Variants in NFIB observed in about 807,000 individuals in gnomAD.
NFIB encodes the protein nuclear factor I B, also known as nuclear factor 1 B-type.
NFIB carries 11 observed loss-of-function variants against 61.5 expected under a neutral mutation model. That is an observed-to-expected ratio of 0.18 (90% CI 0.11 to 0.30). The LOEUF (loss-of-function observed/expected upper bound fraction) is 0.30. Among genes scored for constraint, NFIB ranks in the 10% least tolerant of loss-of-function variants. NFIB has a pLI of 1.00. For missense variants in NFIB, 471 were observed against 608.9 expected (o/e 0.77, Z 2.38); for synonymous variants, 260 against 216.5 (o/e 1.20, Z -1.76).
intron 2 of NFIB, among the ~76,000 whole-genome samples, chr9:14,285,313 G>C (rs1394696268): frequency 1.3e-5 from 2 of 152,132 alleles, no homozygotes; most frequent in Admixed American, 6.5e-5. Context: ...AGTAGAGACA[G>C]GGTTTCACCA....
At chr9:14,337,110 C>T (rs965117783) in intron 1 of NFIB, among the ~76,000 whole-genome samples, 2 of 152,166 alleles carry the variant, frequency 1.3e-5, no homozygotes, top group Non-Finnish European at 2.9e-5. Context: ...GAGCAGTTAA[C>T]AGGTTCTATT....
chr9:14,398,783 G>A (rs2061713629), exon 1 of NFIB: 5 of 569,768 alleles, frequency 8.8e-6, no homozygotes, highest in Non-Finnish European at 1.5e-5. Context: ...GAGGGTGACT[G>A]ATGGATCTTT....
At chr9:14,271,312 C>G (rs941064705) in intron 2 of NFIB, among the ~76,000 whole-genome samples, 7 of 151,828 alleles carry the variant, frequency 4.6e-5, no homozygotes, top group Non-Finnish European at 8.8e-5. Context: ...CTTTTCAAGC[C>G]CACGGATAGT....
the NFIB span, among the ~76,000 whole-genome samples, chr9:14,498,145 G>T: frequency 1.3e-5 from 2 of 152,210 alleles, no homozygotes; most frequent in Non-Finnish European, 2.9e-5. Flanking sequence ...AGGAAGAAAT[G>T]ACCTTGCCCT....
the NFIB span, among the ~76,000 whole-genome samples, chr9:14,423,707 T>A: frequency 4.6e-5 from 7 of 152,224 alleles, no homozygotes; most frequent in Admixed American, 3.3e-4. Context: ...GATCATTATA[T>A]TCTCTGCAAA....
chr9:14,260,657 AGCATATCTGAACTGGC>A (rs1176345902), intron 2 of NFIB, among the ~76,000 whole-genome samples: 2 of 152,218 alleles, frequency 1.3e-5, no homozygotes, highest in Non-Finnish European at 2.9e-5. Flanking sequence ...GTGCCAGTCG[AGCATATCTGAACTGGC>A]CACTGTCTAC....
intron 6 of NFIB, among the ~76,000 whole-genome samples, chr9:14,127,950 C>G (rs1173373567): frequency 7.4e-6 from 1 of 135,464 alleles, no homozygotes; most frequent in East Asian, 2.1e-4. Context: ...AAAAAAAAAA[C>G]CAGAAATAAA....
the NFIB span, among the ~76,000 whole-genome samples, chr9:14,497,787 C>T: frequency 6.6e-6 from 1 of 152,172 alleles, no homozygotes; most frequent in East Asian, 1.9e-4. Flanking sequence ...TAGATTTCCT[C>T]TATGAACAAT....
In NFIB at chr9:14,086,780, G is replaced by GTTT. The variant is rs770203746; in HGVS notation, c.*1526_*1528dup. 6 of 167,428 alleles carry GTTT rather than the reference G, an allele frequency of 3.6e-5. No individual in the cohort carries two copies. Among genetic ancestry groups the GTTT allele is most frequent in the East Asian group, 9.7e-5 (1 of 10,278 alleles). The allele number at this position is 167,428 out of a possible 1,614,324, so 10.4% of individuals were successfully genotyped here. A position where few individuals can be genotyped will look rare whatever the true frequency, so the allele number is the denominator to read the frequency against. On this transcript the variant is annotated 3_prime_UTR_variant, in exon 11 of 11. Transcript: ENST00000380953. ...TGATGTCACTTTGTTGTATTTTTTT[G>GTTT]TTTTTTTTTTTTTGTTTTTTGTTTT...
the NFIB span, among the ~76,000 whole-genome samples, chr9:14,433,811 A>C: frequency 2.6e-5 from 4 of 152,218 alleles, no homozygotes; most frequent in Non-Finnish European, 5.9e-5. Context: ...CATCTCCCTG[A>C]AGTTGAAAAT....
chr9:14,399,241 C>G (rs957886998), upstream of NFIB, among the ~76,000 whole-genome samples: 2 of 152,176 alleles, frequency 1.3e-5, no homozygotes, highest in African/African-American at 4.8e-5. Flanking sequence ...AAGTGTGACT[C>G]TTGTTTAAGG....
intron 2 of NFIB, among the ~76,000 whole-genome samples, chr9:14,200,503 G>C (rs558191563): frequency 6.6e-6 from 1 of 152,190 alleles, no homozygotes; most frequent in Admixed American, 6.5e-5. Flanking sequence ...CTAAGTATGT[G>C]TTTCAGCTCC....
chr9:14,137,513 T>C (rs1186099423), intron 6 of NFIB, among the ~76,000 whole-genome samples: 1 of 152,194 alleles, frequency 6.6e-6, no homozygotes, highest in Non-Finnish European at 1.5e-5. Context: ...TGGACTCCAA[T>C]AGATTCAAAA....
chr9:14,118,571 T>A (rs1012513973), intron 8 of NFIB, among the ~76,000 whole-genome samples: 2 of 152,034 alleles, frequency 1.3e-5, no homozygotes, highest in African/African-American at 4.8e-5. Flanking sequence ...TTTCTACTGG[T>A]TCAAACAGAT....
the NFIB span, among the ~76,000 whole-genome samples, chr9:14,528,320 G>C: frequency 6.6e-6 from 1 of 152,110 alleles, no homozygotes; most frequent in Non-Finnish European, 1.5e-5. Flanking sequence ...GATTATGTGA[G>C]GGTACTTGGT....
At chr9:14,159,047 C>A (rs1164703542) in intron 3 of NFIB, among the ~76,000 whole-genome samples, 2 of 152,214 alleles carry the variant, frequency 1.3e-5, no homozygotes, top group African/African-American at 4.8e-5. Context: ...AGAGATCCAT[C>A]TGCTCCTAAG....
At chr9:14,289,102 G>GTGTGTA (rs386414484) in intron 2 of NFIB, among the ~76,000 whole-genome samples, 1 of 146,058 alleles carries the variant, frequency 6.8e-6, no homozygotes, top group Non-Finnish European at 1.5e-5. Context: ...GTGTGTGTGT[G>GTGTGTA]TGTATGTGTG....
chr9:14,230,038 C>T (rs2052927335), intron 2 of NFIB, among the ~76,000 whole-genome samples: 1 of 152,174 alleles, frequency 6.6e-6, no homozygotes, highest in Non-Finnish European at 1.5e-5. Context: ...CTCCCGACCT[C>T]AGGTGATCAG....
intron 2 of NFIB, among the ~76,000 whole-genome samples, chr9:14,184,460 A>G (rs1257768376): frequency 6.6e-6 from 1 of 151,728 alleles, no homozygotes; most frequent in Non-Finnish European, 1.5e-5. Context: ...TGAACTCTAT[A>G]TACTAATTGA....
Sources: allele counts gnomAD v4.1 joint callset (sites outside exome capture counted in the v4.1 genomes callset), GRCh38; gene constraint gnomAD v4.1.1; transcripts MANE v1.5; gene names NCBI Gene and HGNC (gene_info 2026-07-23, HGNC 2026-07-21).